MAGI2: variants seen among roughly 807,000 people sequenced by gnomAD.
MAGI2 encodes the protein membrane associated guanylate kinase, WW and PDZ domain containing 2, also known as membrane-associated guanylate kinase, WW and PDZ domain-containing protein 2.
Under a neutral mutation model 133.3 loss-of-function variants are expected in MAGI2, and 35 were observed. The ratio of observed to expected loss-of-function variants is 0.26; its 90% CI spans 0.20 to 0.35. MAGI2 has a LOEUF of 0.35. Among genes scored for constraint, MAGI2 ranks in the 10% least tolerant of loss-of-function variants. The probability of loss-of-function intolerance (pLI) is 1.00; values close to 1 mark genes in which losing one functional copy is unlikely to be tolerated. For missense variants in MAGI2, 1,636 were observed against 1,863.4 expected (o/e 0.88, Z 2.25); for synonymous variants, 729 against 710.6 (o/e 1.03, Z -0.41).
At chr7:78,804,974 A>T (rs1008007816) in intron 2 of MAGI2, among the ~76,000 whole-genome samples, 6 of 151,870 alleles carry the variant, frequency 4.0e-5, no homozygotes, top group African/African-American at 1.4e-4. Context: ...AGGCTGAGGC[A>T]GGAGAATCAC....
chr7:79,126,182 A>T (rs1160191686), intron 1 of MAGI2, among the ~76,000 whole-genome samples: 1 of 152,202 alleles, frequency 6.6e-6, no homozygotes, highest in Non-Finnish European at 1.5e-5. Flanking sequence ...AGGAAGATGA[A>T]GTAATGGGGA....
intron 21 of MAGI2, among the ~76,000 whole-genome samples, chr7:78,044,949 A>T (rs1450652296): frequency 2.0e-5 from 3 of 152,204 alleles, no homozygotes; most frequent in Non-Finnish European, 4.4e-5. Flanking sequence ...CGGGTGGATC[A>T]CGAGGTCAAG....
At chr7:78,496,654 A>G (rs1404413788) in intron 5 of MAGI2, among the ~76,000 whole-genome samples, 1 of 152,188 alleles carries the variant, frequency 6.6e-6, no homozygotes, top group East Asian at 1.9e-4. Context: ...CTGTAGAGTG[A>G]AAGAGCTCTG....
At chr7:78,503,078 G>T (rs1794761813) in intron 4 of MAGI2, among the ~76,000 whole-genome samples, 1 of 151,982 alleles carries the variant, frequency 6.6e-6, no homozygotes, top group Non-Finnish European at 1.5e-5. Flanking sequence ...GAACAAAAGA[G>T]CATCAGACCT....
At chr7:79,135,546 T>C (rs1195111414) in intron 1 of MAGI2, among the ~76,000 whole-genome samples, 1 of 152,140 alleles carries the variant, frequency 6.6e-6, no homozygotes, top group Non-Finnish European at 1.5e-5. Flanking sequence ...AAATGGTGAA[T>C]TCGGCCCCAG....
intron 2 of MAGI2, among the ~76,000 whole-genome samples, chr7:78,973,225 A>C (rs191953791): frequency 6.6e-6 from 1 of 151,980 alleles, no homozygotes; most frequent in East Asian, 1.9e-4. Flanking sequence ...CAAAGCACAC[A>C]ATTAGATTTT....
intron 3 of MAGI2, chr7:78,568,058 T>G (rs1801130784): frequency 1.3e-5 from 2 of 152,224 alleles, no homozygotes; most frequent in Non-Finnish European, 2.9e-5. Flanking sequence ...TTTCTTCAGT[T>G]AATTTCTACA....
At chr7:79,268,919 T>A (rs1210391097) in intron 1 of MAGI2, among the ~76,000 whole-genome samples, 2 of 152,182 alleles carry the variant, frequency 1.3e-5, no homozygotes, top group Admixed American at 1.3e-4. Flanking sequence ...CCCAGAGAGT[T>A]TCAACCACAC....
chr7:78,552,680 G>A (rs1053700394), intron 3 of MAGI2, among the ~76,000 whole-genome samples: 9 of 152,086 alleles, frequency 5.9e-5, no homozygotes, highest in Admixed American at 1.3e-4. Flanking sequence ...CCTGTGATTC[G>A]TCCCAGCTAC....
chr7:79,214,960 CTTTATTTTTGG>C (rs1194836461), intron 1 of MAGI2, among the ~76,000 whole-genome samples: 1 of 147,712 alleles, frequency 6.8e-6, no homozygotes, highest in Non-Finnish European at 1.5e-5. Context: ...TTTATATAAA[CTTTATTTTTGG>C]TTTACAAGTA....
Position 78,079,922 on chromosome 7 carries a change from A to C in MAGI2, c.3568-837T>G, listed in dbSNP as rs149932198. ...TACTGTCAGGAACCCTTGAATTAAA[A>C]AATGTCTCATCTCAGTGCAAGTAAC... On this transcript the variant is annotated intron_variant, in intron 20 of 21. Coordinates refer to ENST00000354212, the MANE Select transcript of MAGI2 (RefSeq NM_012301.4). Among the ~76,000 whole-genome samples, 72 of 152,374 alleles carry C rather than the reference A, an allele frequency of 4.7e-4. No individual in the cohort carries two copies. The East Asian group carries it at 0.013, about 28-fold the overall frequency.
At chr7:78,110,762 T>C (rs1311888770) in intron 20 of MAGI2, among the ~76,000 whole-genome samples, 4 of 152,084 alleles carry the variant, frequency 2.6e-5, no homozygotes, top group Non-Finnish European at 5.9e-5. Context: ...ATCTCTGAGT[T>C]CAACACAGCC....
At chr7:78,426,688 T>C (rs1283608948) in intron 6 of MAGI2, among the ~76,000 whole-genome samples, 1 of 152,094 alleles carries the variant, frequency 6.6e-6, no homozygotes, top group East Asian at 1.9e-4. Context: ...GTCTACCACA[T>C]ATGTAATTGA....
intron 9 of MAGI2, among the ~76,000 whole-genome samples, chr7:78,289,657 G>A (rs1313505217): frequency 6.6e-6 from 1 of 152,168 alleles, no homozygotes; most frequent in Non-Finnish European, 1.5e-5. Flanking sequence ...ATAATCGTCT[G>A]ATTCACCAAG....
At chr7:78,353,321 T>C (rs1045596855) in intron 7 of MAGI2, among the ~76,000 whole-genome samples, 1 of 152,226 alleles carries the variant, frequency 6.6e-6, no homozygotes, top group African/African-American at 2.4e-5. Flanking sequence ...ATAATTCCAT[T>C]GATTCCTCAG....
intron 10 of MAGI2, among the ~76,000 whole-genome samples, chr7:78,237,799 T>C (rs1440606918): frequency 1.3e-5 from 2 of 152,164 alleles, no homozygotes; most frequent in Non-Finnish European, 1.5e-5. Flanking sequence ...TATAAAAACA[T>C]AGTACATGCA....
chr7:78,680,401 C>T (rs918158254), intron 2 of MAGI2, among the ~76,000 whole-genome samples: 1 of 151,974 alleles, frequency 6.6e-6, no homozygotes, highest in Non-Finnish European at 1.5e-5. Context: ...ATGTGGTTAC[C>T]CTCAAGAACA....
chr7:78,933,172 A>T (rs551084948), intron 2 of MAGI2, among the ~76,000 whole-genome samples: 27 of 152,204 alleles, frequency 1.8e-4, no homozygotes, highest in African/African-American at 6.3e-4. Flanking sequence ...TGACTGGAAG[A>T]TTTTGTTATT....
At chr7:78,643,905 T>C (rs1372663250) in intron 2 of MAGI2, among the ~76,000 whole-genome samples, 1 of 152,082 alleles carries the variant, frequency 6.6e-6, no homozygotes, top group Non-Finnish European at 1.5e-5. Flanking sequence ...GGATCATCCA[T>C]TTAAAAGAGC....
Sources: gnomAD v4.1 joint callset for allele counts (sites outside exome capture counted in the v4.1 genomes callset) on GRCh38, gnomAD v4.1.1 for gene constraint, MANE v1.5 for transcripts, NCBI Gene and HGNC (gene_info 2026-07-23, HGNC 2026-07-21) for gene names.